The following SUMF1 variants were observed in gnomAD, a reference collection of about 807,000 sequenced individuals.
SUMF1 encodes sulfatase modifying factor 1.
In SUMF1, 48 loss-of-function variants were observed where a neutral mutation model predicts 47.6. The ratio of observed to expected loss-of-function variants is 1.01; its 90% CI spans 0.80 to 1.28. The LOEUF is 1.28. Among genes scored for constraint, SUMF1 ranks in the 50% most tolerant of loss-of-function variants. SUMF1 has a pLI of 0.00. For synonymous variants in SUMF1, 230 were observed against 192.1 expected, an observed-to-expected ratio of 1.20 and a Z score of -1.63; for missense variants, 571 against 485.4, an observed-to-expected ratio of 1.18 and a Z score of -1.66.
chr3:4,143,123 C>T (rs536852425), intron 8 of SUMF1, among the ~76,000 whole-genome samples: 50 of 152,040 alleles, frequency 3.3e-4, no homozygotes, highest in Non-Finnish European at 6.0e-4. Context: ...ATGTTTGCCT[C>T]GGGAGTTTAT....
At chr3:4,267,086 T>C (rs569572296) in intron 8 of SUMF1, among the ~76,000 whole-genome samples, 55 of 152,282 alleles carry the variant, frequency 3.6e-4, no homozygotes, top group African/African-American at 1.3e-3. Flanking sequence ...CACTTGATCA[T>C]GGTGGATAAG....
At chr3:4,095,094 G>A (rs945929565) in intron 8 of SUMF1, among the ~76,000 whole-genome samples, 2 of 152,130 alleles carry the variant, frequency 1.3e-5, no homozygotes, top group Non-Finnish European at 2.9e-5. Context: ...GTCACCTACA[G>A]TGTAATATTT....
At chr3:4,051,679 G>A (rs1327217675) in intron 9 of SUMF1, among the ~76,000 whole-genome samples, 2 of 152,032 alleles carry the variant, frequency 1.3e-5, no homozygotes, top group Non-Finnish European at 2.9e-5. Context: ...TCAATTCCAG[G>A]ACACTAGCCA....
chr3:4,096,210 A>G (rs1457608381), intron 8 of SUMF1, among the ~76,000 whole-genome samples: 1 of 152,138 alleles, frequency 6.6e-6, no homozygotes, highest in Non-Finnish European at 1.5e-5. Context: ...TCAGAACAGA[A>G]AGCTGAGCAT....
In SUMF1 at chr3:4,063,511, C is replaced by T. The variant is rs973672453; in HGVS notation, c.1191+5058G>A. Among the ~76,000 whole-genome samples the T allele has an allele frequency of 1.6e-4, 24 of 152,032 alleles. 1 individual carries two copies. The highest frequency in any genetic ancestry group is 5.6e-4 in the African/African-American group (23 of 41,380). On this transcript the variant is annotated intron_variant and NMD_transcript_variant, in intron 9 of 12. Transcript: ENST00000448413. ...ACCCGTCAGGCATGCTCACAGCTCC[C>T]GTCATAAATATGTGTAGCTTTTCCC...
chr3:4,212,807 T>C (rs1024616969), intron 8 of SUMF1, among the ~76,000 whole-genome samples: 6 of 152,114 alleles, frequency 3.9e-5, no homozygotes, highest in Non-Finnish European at 8.8e-5. Context: ...GAAGAAAGGA[T>C]ATCGGTTATT....
chr3:4,396,274 A>C (rs1315443204), intron 7 of SUMF1, among the ~76,000 whole-genome samples: 1 of 152,150 alleles, frequency 6.6e-6, no homozygotes, highest in Non-Finnish European at 1.5e-5. Flanking sequence ...AGACTGTAAC[A>C]TTTTTCGAAT....
intron 3 of SUMF1, among the ~76,000 whole-genome samples, chr3:4,420,688 A>G (rs768555868): frequency 2.0e-4 from 30 of 152,054 alleles, no homozygotes; most frequent in East Asian, 3.9e-4. Flanking sequence ...GAGCCACCAC[A>G]CCCGGCCTCT....
At chr3:4,335,174 T>G in intron 8 of SUMF1, among the ~76,000 whole-genome samples, 1 of 152,170 alleles carries the variant, frequency 6.6e-6, no homozygotes, top group East Asian at 1.9e-4. Context: ...AAGTGATCTC[T>G]GCCTGCAGCC....
chr3:4,091,808 G>A (rs1489088924), intron 8 of SUMF1, among the ~76,000 whole-genome samples: 1 of 151,648 alleles, frequency 6.6e-6, no homozygotes, highest in African/African-American at 2.4e-5. Context: ...AGGACATACA[G>A]CTCACAGCCT....
At chr3:4,386,411 T>C (rs1373228526) in intron 7 of SUMF1, among the ~76,000 whole-genome samples, 1 of 152,158 alleles carries the variant, frequency 6.6e-6, no homozygotes, top group Non-Finnish European at 1.5e-5. Flanking sequence ...TCCATGTGTT[T>C]GTTGTTAGTC....
At chr3:4,374,143 TC>T (rs1425581023) in intron 8 of SUMF1, among the ~76,000 whole-genome samples, 15 of 152,336 alleles carry the variant, frequency 9.8e-5, no homozygotes, top group Non-Finnish European at 1.9e-4. Context: ...GAAGGTCTAC[TC>T]TTACCATTCC....
intron 8 of SUMF1, among the ~76,000 whole-genome samples, chr3:4,250,645 G>C (rs944550235): frequency 6.6e-6 from 1 of 152,108 alleles, no homozygotes; most frequent in Non-Finnish European, 1.5e-5. Flanking sequence ...TCTTGTTAGA[G>C]GCTAACACAA....
intron 8 of SUMF1, among the ~76,000 whole-genome samples, chr3:4,353,547 C>T (rs866421950): frequency 2.6e-5 from 4 of 152,292 alleles, no homozygotes; most frequent in Admixed American, 6.5e-5. Context: ...TCACTGCGCC[C>T]GGCCTAATTT....
Position 4,264,088 on chromosome 3 carries a change from CTAAG to C in SUMF1, c.1014+112238_1014+112241del, listed in dbSNP as rs375777886. Among the ~76,000 whole-genome samples the C allele has an allele frequency of 2.7e-3, 410 of 152,242 alleles. 3 individuals are homozygous for C. The highest frequency in any genetic ancestry group is 9.4e-3 in the African/African-American group (390 of 41,540). Reference sequence around the variant, plus strand: ...AAGAGGAAAATGGTTATGATCCCTACTAAGTAAGAAAAGAAGGTCTAAGAATGAA... The same window carrying C: ...AAGAGGAAAATGGTTATGATCCCTACTAAGAAAAGAAGGTCTAAGAATGAA... On this transcript the variant is annotated intron_variant and NMD_transcript_variant, in intron 8 of 12. Transcript: ENST00000448413.
intron 8 of SUMF1, among the ~76,000 whole-genome samples, chr3:4,166,519 G>T (rs775046208): frequency 4.3e-4 from 65 of 152,240 alleles, no homozygotes; most frequent in Middle Eastern, 3.4e-3. Context: ...GCCTAAAGAA[G>T]GGAACAGAGT....
chr3:4,296,156 T>C (rs907501601), intron 8 of SUMF1, among the ~76,000 whole-genome samples: 1 of 152,180 alleles, frequency 6.6e-6, no homozygotes, highest in Admixed American at 6.5e-5. Flanking sequence ...TTATGTGCTA[T>C]AGAAGTATTA....
At chr3:4,150,141 C>T (rs1361997849) in intron 8 of SUMF1, among the ~76,000 whole-genome samples, 1 of 137,892 alleles carries the variant, frequency 7.3e-6, no homozygotes, top group Non-Finnish European at 1.6e-5. Flanking sequence ...GTCTCCCAGG[C>T]TGGAGTGCAC....
At chr3:4,380,423 G>A (rs536176881) in intron 7 of SUMF1, among the ~76,000 whole-genome samples, 14 of 152,284 alleles carry the variant, frequency 9.2e-5, no homozygotes, top group African/African-American at 3.4e-4. Flanking sequence ...ACCTATTTGG[G>A]CAAGGTGGAG....
Sources: gnomAD v4.1 joint callset for allele counts (sites outside exome capture counted in the v4.1 genomes callset) on GRCh38, gnomAD v4.1.1 for gene constraint, MANE v1.5 for transcripts, NCBI Gene and HGNC (gene_info 2026-07-23, HGNC 2026-07-21) for gene names.